Variants in DIAPH1 observed in about 807,000 individuals in gnomAD.
DIAPH1 encodes the protein diaphanous related formin 1, also known as protein diaphanous homolog 1.
Under a neutral mutation model 140.7 loss-of-function variants are expected in DIAPH1, and 46 were observed. The ratio of observed to expected loss-of-function variants is 0.33; its 90% CI spans 0.26 to 0.42. The LOEUF is 0.42. DIAPH1 is among the 10% of genes least tolerant of loss of function. The pLI is 1.00. For missense variants in DIAPH1, 1,310 were observed against 1,558.7 expected, an observed-to-expected ratio of 0.84 and a Z score of 2.69; for synonymous variants, 565 against 551.6, an observed-to-expected ratio of 1.02 and a Z score of -0.34.
chr5:141,579,300 A>G (rs1346890221), intron 8 of DIAPH1, 104 bp from the exon 9 acceptor site: 2 of 867,284 alleles, frequency 2.3e-6, no homozygotes, highest in Non-Finnish European at 4.0e-6. Context: ...GAAACAGGAC[A>G]TTATCAGTGT....
Position 141,557,133 on chromosome 5 carries a change from A to T in DIAPH1, c.2482+14295T>A, listed in dbSNP as rs187069703. Among the ~76,000 whole-genome samples, 4 of 152,172 alleles carry T rather than the reference A, an allele frequency of 2.6e-5. No homozygotes were observed. The East Asian group carries it at 5.8e-4, about 22-fold the overall frequency. On this transcript the variant is annotated intron_variant, in intron 18 of 27. Coordinates refer to ENST00000389054, the MANE Select transcript of DIAPH1 (RefSeq NM_005219.5). Reference sequence around the variant, plus strand: ...TTGGCTCTGATTCAAATGAACTATTAAAAAAAACAACTATCATAAGATAAT... The same window carrying T: ...TTGGCTCTGATTCAAATGAACTATTTAAAAAAACAACTATCATAAGATAAT...
rs764820824 is a variant in DIAPH1 at position 141,618,876 on chromosome 5, C to T, written c.39G>A (p.Gly13=). The T allele has an allele frequency of 2.0e-6, 3 of 1,521,916 alleles. No homozygotes were observed. The African/African-American group carries it at 4.3e-5, about 22-fold the overall frequency. 94.3% of individuals were successfully genotyped at this position (1,521,916 alleles called of 1,614,324 possible). Residue 13 remains glycine (G), a synonymous_variant, in exon 1 of 28, where the codon GGG becomes GGA. Coordinates refer to ENST00000389054, the MANE Select transcript of DIAPH1 (RefSeq NM_005219.5). ...TCCGGCCCTTCTTCTTGTCCCGGGTCCCGCGGCCGGGCCCCAGGCTCCCGC... is the reference window on the plus strand; with the variant it reads ...TCCGGCCCTTCTTCTTGTCCCGGGTTCCGCGGCCGGGCCCCAGGCTCCCGC... The part of the protein sequence containing the change: ...PPGGSLGPGR[G]TRDKKKGRSP...
Position 141,526,405 on chromosome 5 carries a change from G to A in DIAPH1, c.3330C>T (p.Asn1110=), listed in dbSNP as rs2154594957. 4.3e-6 allele frequency: 7 copies of A among 1,614,180 alleles called. No homozygotes were observed. Among genetic ancestry groups the A allele is most frequent in the Non-Finnish European group, 5.1e-6 (6 of 1,180,036 alleles). The change falls in exon 25 of 28, where the codon AAC becomes AAT. Residue 1110 remains asparagine, a synonymous_variant. Coordinates refer to ENST00000389054, the MANE Select transcript of DIAPH1 (RefSeq NM_005219.5). ...CCAGCTCCTTATAGAGGGTCTCCAT[G>A]TTAGAATGCATCATCCGCAGCTTGT... ...QYNKLRMMHS[N]METLYKELGE...
intron 18 of DIAPH1, among the ~76,000 whole-genome samples, chr5:141,542,942 C>T (rs1008231732): frequency 6.6e-6 from 1 of 151,928 alleles, no homozygotes; most frequent in African/African-American, 2.4e-5. Context: ...TATTAGATAA[C>T]AGTATCCTAT....
chr5:141,556,621 T>C (rs999737862), intron 18 of DIAPH1, among the ~76,000 whole-genome samples: 1 of 152,234 alleles, frequency 6.6e-6, no homozygotes, highest in East Asian at 1.9e-4. Context: ...GAAGAGGCTC[T>C]GCTCTGGCAA....
At chr5:141,603,422 C>CAT (rs1224817768) in intron 1 of DIAPH1, among the ~76,000 whole-genome samples, 1 of 152,110 alleles carries the variant, frequency 6.6e-6, no homozygotes, top group Non-Finnish European at 1.5e-5. Context: ...ACAAAGGAAA[C>CAT]ATAGTAAAAG....
Position 141,540,351 on chromosome 5 carries a change from C to T in DIAPH1, c.2483-5918G>A, listed in dbSNP as rs677007. Reference sequence around the variant, plus strand: ...AGGCTAGAATGAAGTGGCACAATCTCGGCTCACTGCAACCTACGCCTCCCG... The same window carrying T: ...AGGCTAGAATGAAGTGGCACAATCTTGGCTCACTGCAACCTACGCCTCCCG... On this transcript the variant is annotated intron_variant, in intron 18 of 27. Transcript: ENST00000389054. 5.2e-3 allele frequency among the ~76,000 whole-genome samples: 792 copies of T among 151,916 alleles called. 4 individuals are homozygous for T. The highest frequency in any genetic ancestry group is 7.5e-3 in the Non-Finnish European group (513 of 67,972).
chr5:141,526,824 G>A (rs973958063), intron 24 of DIAPH1, among the ~76,000 whole-genome samples: 1 of 151,750 alleles, frequency 6.6e-6, no homozygotes, highest in Non-Finnish European at 1.5e-5. Context: ...AGCCTCCCAA[G>A]TAGCTGGAAC....
Position 141,583,275 on chromosome 5 carries a change from C to G in DIAPH1, c.551G>C (p.Gly184Ala), listed in dbSNP as rs1562330161. 6.2e-7 allele frequency: 1 copy of G among 1,614,188 alleles called. No individual in the cohort carries two copies. Among genetic ancestry groups the G allele is most frequent in the Non-Finnish European group, 8.5e-7 (1 of 1,180,032 alleles). The change falls in exon 6 of 28, where the codon GGT (glycine) becomes GCT (alanine). Residue 184 changes from glycine to alanine, a missense_variant. Gly to Ala is a moderately conservative substitution (Grantham distance 60). This residue lies in a region of DIAPH1 where 377 missense variants were observed against 497.1 expected (regional missense o/e 0.76). Coordinates refer to ENST00000389054, the MANE Select transcript of DIAPH1 (RefSeq NM_005219.5). ...CAATAAGGAGGCCAAGCCTTCAGCA[C>G]CAAATGTTTGCACCCAACTGTAAGG... The part of the protein sequence containing the change: ...NNPVSWVQTF[G>A]AEGLASLLDI...
At position 141,519,754 on chromosome 5, in the gene DIAPH1, T is replaced by C. The variant is rs558195912; in HGVS notation, c.3662-2746A>G. ...AGGTCAGGGGATGAGAAAGCTCTTGTTGGAACAGGTCTCCCAGCTTTCCAC... is the reference window on the plus strand; with the variant it reads ...AGGTCAGGGGATGAGAAAGCTCTTGCTGGAACAGGTCTCCCAGCTTTCCAC... On this transcript the variant is annotated intron_variant, in intron 27 of 27. Coordinates refer to ENST00000389054, the MANE Select transcript of DIAPH1 (RefSeq NM_005219.5). 7.2e-5 allele frequency among the ~76,000 whole-genome samples: 11 copies of C among 152,326 alleles called. No individual in the cohort carries two copies. The East Asian group carries it at 1.5e-3, about 21-fold the overall frequency.
At chr5:141,537,386 G>T (rs2099889193) in intron 18 of DIAPH1, among the ~76,000 whole-genome samples, 2 of 150,290 alleles carry the variant, frequency 1.3e-5, no homozygotes, top group African/African-American at 4.9e-5. Context: ...GGGAGGCTGA[G>T]GCAGGAAAAT....
At chr5:141,582,782 T>C (rs2099896965) in intron 6 of DIAPH1, among the ~76,000 whole-genome samples, 1 of 152,162 alleles carries the variant, frequency 6.6e-6, no homozygotes, top group Non-Finnish European at 1.5e-5. Flanking sequence ...CTGCTTCAGG[T>C]TGGCTTCAAG....
intron 1 of DIAPH1, among the ~76,000 whole-genome samples, chr5:141,604,490 C>T (rs1409153033): frequency 6.6e-6 from 1 of 152,148 alleles, no homozygotes; most frequent in Non-Finnish European, 1.5e-5. Context: ...GTTTCCCAAT[C>T]GCCGTAGCAA....
At chr5:141,609,823 C>G (rs1258917091) in intron 1 of DIAPH1, among the ~76,000 whole-genome samples, 1 of 152,142 alleles carries the variant, frequency 6.6e-6, no homozygotes, top group Non-Finnish European at 1.5e-5. Flanking sequence ...AACACCACCA[C>G]CTAACAAGAA....
intron 1 of DIAPH1, among the ~76,000 whole-genome samples, chr5:141,617,485 A>G (rs2099902875): frequency 6.6e-6 from 1 of 152,186 alleles, no homozygotes; most frequent in Admixed American, 6.5e-5. Flanking sequence ...TCTAGGTCAT[A>G]AAACAACATT....
chr5:141,538,469 C>G (rs1227424218), intron 18 of DIAPH1, among the ~76,000 whole-genome samples: 1 of 152,190 alleles, frequency 6.6e-6, no homozygotes. Flanking sequence ...TCTCCTGCCT[C>G]AGCATCCCAA....
intron 18 of DIAPH1, among the ~76,000 whole-genome samples, chr5:141,559,737 A>G (rs917731367): frequency 6.6e-6 from 1 of 152,194 alleles, no homozygotes; most frequent in African/African-American, 2.4e-5. Flanking sequence ...GACTGGAAGG[A>G]CAGGCACTAT....
At chr5:141,525,960 ACT>A (rs1562281769) in intron 26 of DIAPH1, 76 bp downstream of exon 26, 1 of 1,599,986 alleles carries the variant, frequency 6.3e-7, no homozygotes, top group Non-Finnish European at 8.5e-7. Flanking sequence ...CAGACATGAG[ACT>A]CTGCCTCTAG....
In DIAPH1 at chr5:141,528,830, A is replaced by T; in HGVS notation, c.2890T>A (p.Cys964Ser). The change falls in exon 22 of 28, where the codon TGT becomes AGT. Residue 964 changes from cysteine to serine, a missense_variant. Physicochemically the swap from Cys to Ser is moderately radical, Grantham distance 112. Transcript: ENST00000389054. ...KPEIVSVTAACEELRKSESFS... is the reference protein window; with the variant it reads ...KPEIVSVTAASEELRKSESFS... ...CTCTCACTCTTACGTAACTCCTCAC[A>T]TGCAGCAGTGACAGACACAATCTCT... 1 of 1,614,256 alleles carries T rather than the reference A, an allele frequency of 6.2e-7. No individual in the cohort carries two copies. Among genetic ancestry groups the T allele is most frequent in the Non-Finnish European group, 8.5e-7 (1 of 1,180,050 alleles).
Sources: gnomAD v4.1 joint callset for allele counts (sites outside exome capture counted in the v4.1 genomes callset) on GRCh38, gnomAD v4.1.1 for gene constraint, gnomAD v4.1.1 regional missense constraint, MANE v1.5 for transcripts, NCBI Gene and HGNC (gene_info 2026-07-23, HGNC 2026-07-21) for gene names.